Variants in EPHA5 observed in about 807,000 individuals in gnomAD.
EPHA5 encodes the protein ephrin type-A receptor 5.
A neutral mutation model predicts 105.0 loss-of-function variants in EPHA5; 60 were observed. That is an observed-to-expected ratio of 0.57 (90% CI 0.46 to 0.71). The LOEUF (loss-of-function observed/expected upper bound fraction) is 0.71, where lower values mean the gene tolerates loss of function less well. Ranked by LOEUF, EPHA5 falls within the 30% of genes least tolerant of loss-of-function variation. The probability of loss-of-function intolerance (pLI) is 0.00; values close to 1 mark genes in which losing one functional copy is unlikely to be tolerated. For missense variants in EPHA5, 1,218 were observed against 1,274.7 expected (o/e 0.96, Z 0.68); for synonymous variants, 513 against 449.1 (o/e 1.14, Z -1.80).
intron 3 of EPHA5, among the ~76,000 whole-genome samples, chr4:65,511,061 G>A (rs1733576189): frequency 6.6e-6 from 1 of 152,138 alleles, no homozygotes; most frequent in Admixed American, 6.6e-5. Context: ...GCAGCTGCCT[G>A]CAAGCCAGGA....
intron 2 of EPHA5, among the ~76,000 whole-genome samples, chr4:65,604,194 G>T (rs774724142): frequency 9.4e-5 from 9 of 95,716 alleles, no homozygotes; most frequent in Non-Finnish European, 9.3e-5. Context: ...AGAATAACAG[G>T]ATCTTTCAAG....
chr4:65,560,674 T>G (rs1419979093), intron 3 of EPHA5, among the ~76,000 whole-genome samples: 1 of 152,070 alleles, frequency 6.6e-6, no homozygotes, highest in Non-Finnish European at 1.5e-5. Context: ...AGTTGCATTT[T>G]AAGTCACTGG....
Position 65,353,063 on chromosome 4 carries a change from G to T in EPHA5, c.2214C>A (p.Gly738=). Residue 738 remains glycine (G), a synonymous_variant, in exon 12 of 17, where the codon GGC becomes GGA. Transcript: ENST00000613740. The part of the protein sequence containing the change: ...VMIVTEYMEN[G]SLDTFLKKND... ...CTACCTTCAAAAATGTATCTAAAGA[G>T]CCATTCTCCATATACTCTGTCACGA... The T allele has an allele frequency of 6.4e-7, 1 of 1,562,578 alleles. No individual in the cohort carries two copies. The highest frequency in any genetic ancestry group is 8.6e-7 in the Non-Finnish European group (1 of 1,156,110).
intron 3 of EPHA5, among the ~76,000 whole-genome samples, chr4:65,596,681 A>ACACAC (rs112783438): frequency 1.3e-5 from 2 of 150,474 alleles, no homozygotes; most frequent in African/African-American, 4.9e-5. Context: ...ACAAAAGCAG[A>ACACAC]ACACACACAC....
rs1344097609 is a variant in EPHA5 at position 65,468,625 on chromosome 4, TAAA to T, written c.1402+21749_1402+21751del. Among the ~76,000 whole-genome samples the T allele has an allele frequency of 3.0e-5, 4 of 131,348 alleles. No individual in the cohort carries two copies. In the East Asian group the frequency reaches 8.1e-4, roughly 27 times the overall value. 86.2% of individuals were successfully genotyped at this position (131,348 alleles called of 152,430 possible). ...ATATTATATATATTATATATATATG[TAAA>T]ATATATATAACATATATACATATAT... On this transcript the variant is annotated intron_variant, in intron 5 of 16. Coordinates refer to ENST00000613740, the MANE Select transcript of EPHA5 (RefSeq NM_001281766.3).
At chr4:65,342,011 T>C (rs1354322543) in intron 14 of EPHA5, among the ~76,000 whole-genome samples, 1 of 152,132 alleles carries the variant, frequency 6.6e-6, no homozygotes, top group Non-Finnish European at 1.5e-5. Flanking sequence ...TATTATGTTT[T>C]TTTCTTAGTG....
At chr4:65,342,624 G>A (rs752974611) in intron 14 of EPHA5, among the ~76,000 whole-genome samples, 22 of 150,552 alleles carry the variant, frequency 1.5e-4, no homozygotes, top group Non-Finnish European at 2.8e-4. Flanking sequence ...ATATGTATAT[G>A]AGCAATATAC....
At chr4:65,560,333 T>G (rs1738882332) in intron 3 of EPHA5, among the ~76,000 whole-genome samples, 1 of 152,132 alleles carries the variant, frequency 6.6e-6, no homozygotes, top group Admixed American at 6.6e-5. Context: ...GTATTGTAAT[T>G]TTCTGAAACT....
chr4:65,458,510 T>C lies in EPHA5; in HGVS notation c.1402+31867A>G, dbSNP rs545973713. On this transcript the variant is annotated intron_variant, in intron 5 of 16. Transcript: ENST00000613740. ...TTGATGACCTTATTCAACTGTCTCC[T>C]TAATGAAATCTTTTGAGTGTCTCAT... Among the ~76,000 whole-genome samples, 14 of 152,296 alleles carry C rather than the reference T, an allele frequency of 9.2e-5. No individual in the cohort carries two copies. In the South Asian group the frequency reaches 2.7e-3, roughly 29 times the overall value.
At chr4:65,653,128 A>G (rs2149532075) in intron 1 of EPHA5, among the ~76,000 whole-genome samples, 1 of 152,200 alleles carries the variant, frequency 6.6e-6, no homozygotes, top group South Asian at 2.1e-4. Context: ...AACCTATATA[A>G]TCATTAGCTT....
intron 5 of EPHA5, among the ~76,000 whole-genome samples, chr4:65,461,881 A>G (rs988073875): frequency 6.6e-6 from 1 of 152,122 alleles, no homozygotes; most frequent in African/African-American, 2.4e-5. Context: ...AGGAAATATT[A>G]TCATAAAAGA....
chr4:65,325,695 C>A (rs2148781717), intron 16 of EPHA5, among the ~76,000 whole-genome samples: 1 of 151,274 alleles, frequency 6.6e-6, no homozygotes, highest in Middle Eastern at 3.4e-3. Context: ...AGACTACAAG[C>A]TAGCTAATTA....
intron 6 of EPHA5, among the ~76,000 whole-genome samples, chr4:65,419,679 G>C (rs766962280): frequency 6.6e-6 from 1 of 152,046 alleles, no homozygotes; most frequent in African/African-American, 2.4e-5. Context: ...AATGGGGCGG[G>C]AGTAGTAGGA....
At chr4:65,564,413 C>T (rs769920907) in intron 3 of EPHA5, among the ~76,000 whole-genome samples, 3 of 151,504 alleles carry the variant, frequency 2.0e-5, no homozygotes, top group Non-Finnish European at 4.4e-5. Context: ...TTACTTATTC[C>T]TTTTCTTCCT....
intron 5 of EPHA5, among the ~76,000 whole-genome samples, chr4:65,457,610 A>C (rs1020067904): frequency 6.6e-6 from 1 of 151,672 alleles, no homozygotes; most frequent in African/African-American, 2.4e-5. Context: ...TACTTTTTCT[A>C]TATATATAAT....
intron 11 of EPHA5, among the ~76,000 whole-genome samples, chr4:65,359,161 A>C (rs1459558865): frequency 1.3e-5 from 2 of 151,574 alleles, no homozygotes; most frequent in Non-Finnish European, 3.0e-5. Context: ...TGAGATTTAG[A>C]TTCTTTCAGA....
intron 8 of EPHA5, 129 bp downstream of exon 8, chr4:65,404,245 G>A (rs1260391125): frequency 3.0e-6 from 2 of 660,894 alleles, no homozygotes; most frequent in Admixed American, 2.5e-5. Flanking sequence ...ATTGCATCAT[G>A]TATTGAGATT....
At chr4:65,525,687 A>C (rs1370448932) in intron 3 of EPHA5, among the ~76,000 whole-genome samples, 1 of 151,952 alleles carries the variant, frequency 6.6e-6, no homozygotes, top group African/African-American at 2.4e-5. Flanking sequence ...ACCTTACTGA[A>C]AACAAAGACT....
chr4:65,490,312 C>T, intron 5 of EPHA5, 65 bp downstream of exon 5: 1 of 1,471,570 alleles, frequency 6.8e-7, no homozygotes, highest in South Asian at 1.2e-5. Flanking sequence ...ACTTGGCCGT[C>T]AGCTATGGAA....
Sources: allele counts gnomAD v4.1 joint callset (sites outside exome capture counted in the v4.1 genomes callset), GRCh38; gene constraint gnomAD v4.1.1; transcripts MANE v1.5; gene names NCBI Gene and HGNC (gene_info 2026-07-23, HGNC 2026-07-21).